Variants in CTXND2 observed in about 807,000 individuals in gnomAD.
The protein encoded by CTXND2 is cortexin domain containing 2.
At chr1:150,890,247 A>G (rs963916256) in intron 1 of CTXND2, among the ~76,000 whole-genome samples, 1 of 152,152 alleles carries the variant, frequency 6.6e-6, no homozygotes, top group Non-Finnish European at 1.5e-5. Context: ...AAATTACTGA[A>G]ACTCTTGTGT....
intron 1 of CTXND2, among the ~76,000 whole-genome samples, chr1:150,891,454 C>T (rs957779752): frequency 1.3e-5 from 2 of 152,208 alleles, no homozygotes; most frequent in African/African-American, 4.8e-5. Context: ...ACCTCGTGAT[C>T]TGCCTGCCTC....
intron 1 of CTXND2, among the ~76,000 whole-genome samples, chr1:150,905,105 A>AC: frequency 9.3e-6 from 1 of 107,244 alleles, no homozygotes; most frequent in Middle Eastern, 4.8e-3. Flanking sequence ...CACACACACA[A>AC]ATCACCCTTC....
At chr1:150,895,032 C>T (rs1485858151) in intron 1 of CTXND2, among the ~76,000 whole-genome samples, 4 of 151,386 alleles carry the variant, frequency 2.6e-5, no homozygotes, top group African/African-American at 9.7e-5. Context: ...CTCCGTCCCC[C>T]TCAAAAAAAC....
At chr1:150,898,770 A>AT (rs961909776) in intron 1 of CTXND2, among the ~76,000 whole-genome samples, 1 of 143,924 alleles carries the variant, frequency 6.9e-6, no homozygotes, top group Admixed American at 7.0e-5. Context: ...AAAAAAAAAA[A>AT]GAAAGAAAGA....
intron 1 of CTXND2, among the ~76,000 whole-genome samples, chr1:150,888,069 T>TA (rs35935543): frequency 0.36 from 54,245 of 151,516 alleles, 10,389 homozygotes; most frequent in South Asian, 0.53. Flanking sequence ...AAAAGCCACT[T>TA]AAAAAAAATT....
In CTXND2 at chr1:150,902,149, C is replaced by T. The variant is rs587705071; in HGVS notation, c.-73-10093C>T. Among the ~76,000 whole-genome samples the T allele has an allele frequency of 2.0e-5, 3 of 151,804 alleles. No individual in the cohort carries two copies. The South Asian group carries it at 6.2e-4, about 32-fold the overall frequency. Reference sequence around the variant, plus strand: ...GGGCGCCGTGGCTCACGCCTGTAATCCCAGCACTTTGGGGGGCAGAGGCGG... The same window carrying T: ...GGGCGCCGTGGCTCACGCCTGTAATTCCAGCACTTTGGGGGGCAGAGGCGG... On this transcript the variant is annotated intron_variant, in intron 1 of 1. Coordinates refer to ENST00000636087, the Ensembl canonical transcript of CTXND2.
intron 1 of CTXND2, among the ~76,000 whole-genome samples, chr1:150,907,934 C>T (rs1459036287): frequency 6.6e-6 from 1 of 151,972 alleles, no homozygotes; most frequent in Non-Finnish European, 1.5e-5. Flanking sequence ...TGGTCTTGAT[C>T]TCCTAACCTT....
At chr1:150,910,422 G>A (rs1215973411) in intron 1 of CTXND2, among the ~76,000 whole-genome samples, 1 of 151,916 alleles carries the variant, frequency 6.6e-6, no homozygotes, top group Admixed American at 6.6e-5. Flanking sequence ...GAGCCACCAC[G>A]CCCAGCAAGA....
At chr1:150,892,989 C>T (rs1240609148) in intron 1 of CTXND2, among the ~76,000 whole-genome samples, 1 of 152,130 alleles carries the variant, frequency 6.6e-6, no homozygotes. Flanking sequence ...ATGCTGAATC[C>T]ACAAACATAG....
At chr1:150,896,569 T>C (rs1889741) in intron 1 of CTXND2, among the ~76,000 whole-genome samples, 66,776 of 152,046 alleles carry the variant, frequency 0.44, 15,332 homozygotes, top group African/African-American at 0.55. Context: ...TTCCTCACTG[T>C]CCTTTGCTGC....
intron 1 of CTXND2, among the ~76,000 whole-genome samples, chr1:150,897,483 C>G (rs587626943): frequency 4.1e-4 from 62 of 152,186 alleles, no homozygotes; most frequent in African/African-American, 1.4e-3. Flanking sequence ...AGCCACCACA[C>G]CGGCTAACTT....
intron 1 of CTXND2, among the ~76,000 whole-genome samples, chr1:150,888,982 G>C (rs1367268818): frequency 1.3e-5 from 2 of 151,978 alleles, no homozygotes; most frequent in African/African-American, 4.8e-5. Context: ...GGGATTATAG[G>C]AATGAATCAC....
intron 1 of CTXND2, among the ~76,000 whole-genome samples, chr1:150,894,358 C>T (rs2102594990): frequency 6.6e-6 from 1 of 152,180 alleles, no homozygotes; most frequent in South Asian, 2.1e-4. Flanking sequence ...AATTATAGGG[C>T]ACAAGATTTT....
chr1:150,909,629 T>C (rs1175378148), intron 1 of CTXND2, among the ~76,000 whole-genome samples: 1 of 152,184 alleles, frequency 6.6e-6, no homozygotes, highest in Non-Finnish European at 1.5e-5. Context: ...TGCTGTCATA[T>C]CTAAGAATCC....
At chr1:150,903,462 G>C (rs754909590) in intron 1 of CTXND2, among the ~76,000 whole-genome samples, 1 of 151,820 alleles carries the variant, frequency 6.6e-6, no homozygotes, top group Non-Finnish European at 1.5e-5. Flanking sequence ...TTAATTAAAA[G>C]ATACCAGTAT....
chr1:150,898,557 A>C (rs1478922959), intron 1 of CTXND2, among the ~76,000 whole-genome samples: 1 of 151,858 alleles, frequency 6.6e-6, no homozygotes, highest in African/African-American at 2.4e-5. Context: ...AGAGATGGAG[A>C]CCATCCTGGC....
intron 1 of CTXND2, among the ~76,000 whole-genome samples, chr1:150,907,599 G>A (rs1042444471): frequency 6.6e-6 from 1 of 151,544 alleles, no homozygotes; most frequent in Non-Finnish European, 1.5e-5. Context: ...TGGCTATGAT[G>A]AATAATGCTG....
At chr1:150,903,841 T>C (rs1164801744) in intron 1 of CTXND2, 2 of 505,270 alleles carry the variant, frequency 4.0e-6, no homozygotes, top group Admixed American at 2.4e-5. Context: ...GAGTGGGATG[T>C]CCGGCTTCAG....
intron 1 of CTXND2, chr1:150,903,963 A>T (rs746694664): frequency 7.7e-6 from 5 of 646,940 alleles, no homozygotes; most frequent in Non-Finnish European, 1.2e-5. Flanking sequence ...ACCGTGGAAA[A>T]GGGAGGCAAG....
Sources: gnomAD v4.1 joint callset for allele counts (sites outside exome capture counted in the v4.1 genomes callset) on GRCh38, gnomAD v4.1.1 for gene constraint, MANE v1.5 for transcripts, NCBI Gene and HGNC (gene_info 2026-07-23, HGNC 2026-07-21) for gene names.